Variants in SHC3 observed in about 807,000 individuals in gnomAD.
SHC3 encodes SHC adaptor protein 3.
Under a neutral mutation model 60.4 loss-of-function variants are expected in SHC3, and 15 were observed. The observed-to-expected ratio is 0.25, with a 90% CI of 0.17 to 0.38. The LOEUF is 0.38. Ranked by LOEUF, SHC3 falls within the 10% of genes least tolerant of loss-of-function variation. The pLI, the probability that SHC3 is intolerant of heterozygous loss-of-function variation, is 1.00. For synonymous variants in SHC3, 294 were observed against 325.9 expected (o/e 0.90, Z 1.05); for missense variants, 677 against 786.1 (o/e 0.86, Z 1.66).
At chr9:89,177,135 G>C (rs1826952303) in intron 1 of SHC3, among the ~76,000 whole-genome samples, 2 of 152,164 alleles carry the variant, frequency 1.3e-5, no homozygotes, top group Non-Finnish European at 2.9e-5. Context: ...CTGCCCAACC[G>C]GCAGAAGGAA....
intron 1 of SHC3, among the ~76,000 whole-genome samples, chr9:89,173,777 A>T (rs1826904501): frequency 3.9e-5 from 6 of 152,050 alleles, no homozygotes; most frequent in Admixed American, 3.9e-4. Context: ...TGCCTTTAAC[A>T]CATCTATGTT....
intron 11 of SHC3, chr9:89,037,444 A>G (rs1157001968): frequency 1.5e-6 from 1 of 686,486 alleles, no homozygotes; most frequent in Non-Finnish European, 2.7e-6. Flanking sequence ...TGACGGGAAG[A>G]TGAAAAATTC....
intron 7 of SHC3, among the ~76,000 whole-genome samples, chr9:89,047,814 A>G (rs1283426071): frequency 6.6e-6 from 1 of 152,230 alleles, no homozygotes; most frequent in East Asian, 1.9e-4. Flanking sequence ...TGGTGCAGCC[A>G]CTTTAGAAAA....
intron 1 of SHC3, among the ~76,000 whole-genome samples, chr9:89,134,196 T>C (rs1048357162): frequency 5.3e-5 from 8 of 152,138 alleles, no homozygotes; most frequent in African/African-American, 1.9e-4. Context: ...GAATATACTT[T>C]TGGTAAAAGA....
At chr9:89,124,818 A>G (rs1410095182) in intron 1 of SHC3, among the ~76,000 whole-genome samples, 1 of 152,080 alleles carries the variant, frequency 6.6e-6, no homozygotes, top group Non-Finnish European at 1.5e-5. Flanking sequence ...CAAAACCTGC[A>G]CATTCAGCAC....
At chr9:89,030,574 G>A (rs1270134267) in intron 11 of SHC3, among the ~76,000 whole-genome samples, 1 of 152,044 alleles carries the variant, frequency 6.6e-6, no homozygotes, top group Non-Finnish European at 1.5e-5. Context: ...AGATAAAGAG[G>A]GACATTTCAT....
intron 2 of SHC3, among the ~76,000 whole-genome samples, chr9:89,091,706 T>TG (rs1825623740): frequency 6.6e-6 from 1 of 152,206 alleles, no homozygotes; most frequent in Non-Finnish European, 1.5e-5. Flanking sequence ...TTTCTAGAAC[T>TG]TTTTCATCTT....
At chr9:89,177,097 C>T (rs1485272726) in intron 1 of SHC3, among the ~76,000 whole-genome samples, 2 of 152,170 alleles carry the variant, frequency 1.3e-5, no homozygotes, top group African/African-American at 4.8e-5. Flanking sequence ...CCTGTCTGCT[C>T]GGCTGTGGAG....
intron 1 of SHC3, among the ~76,000 whole-genome samples, chr9:89,166,962 G>A (rs1177384984): frequency 6.6e-6 from 1 of 152,222 alleles, no homozygotes; most frequent in Non-Finnish European, 1.5e-5. Flanking sequence ...GACTCTACCA[G>A]CTGAGCTACT....
At chr9:89,035,830 A>AATATATAT (rs1185604208) in intron 11 of SHC3, among the ~76,000 whole-genome samples, 10 of 106,450 alleles carry the variant, frequency 9.4e-5, no homozygotes, top group South Asian at 3.5e-4. Context: ...AAACAAACAA[A>AATATATAT]ATATATATAT....
chr9:89,092,810 G>A (rs1825645591), intron 2 of SHC3, among the ~76,000 whole-genome samples: 1 of 151,398 alleles, frequency 6.6e-6, no homozygotes, highest in African/African-American at 2.4e-5. Flanking sequence ...ATTAACACTG[G>A]TCATCTTTAT....
chr9:89,120,720 T>A (rs1055934829), intron 1 of SHC3, among the ~76,000 whole-genome samples: 5 of 152,202 alleles, frequency 3.3e-5, no homozygotes, highest in Admixed American at 3.3e-4. Context: ...AGATATTTGT[T>A]ACTTTCTTTC....
intron 1 of SHC3, among the ~76,000 whole-genome samples, chr9:89,143,607 C>T (rs1826427265): frequency 6.6e-6 from 1 of 152,086 alleles, no homozygotes; most frequent in Non-Finnish European, 1.5e-5. Flanking sequence ...CAGAAGCTTC[C>T]ACAGAATCTG....
At chr9:89,126,124 A>T (rs956973210) in intron 1 of SHC3, among the ~76,000 whole-genome samples, 1 of 152,130 alleles carries the variant, frequency 6.6e-6, no homozygotes, top group African/African-American at 2.4e-5. Context: ...AAGGAAAATC[A>T]TCTGCACACA....
chr9:89,012,572 G>T lies in SHC3; in HGVS notation c.*875C>A, dbSNP rs894217826. On this transcript the variant is annotated 3_prime_UTR_variant, in exon 12 of 12. Coordinates refer to ENST00000375835, the MANE Select transcript of SHC3 (RefSeq NM_016848.6). ...TACCATAAGCAGCCTGTAGTCAACC[G>T]CTGACTAGAGGGAGACACAAACCAG... The T allele has an allele frequency of 1.3e-5, 2 of 152,258 alleles. No homozygotes were observed. Among genetic ancestry groups the T allele is most frequent in the Non-Finnish European group, 2.9e-5 (2 of 68,030 alleles). 9.4% of individuals were successfully genotyped at this position (152,258 alleles called of 1,614,324 possible). A position where few individuals can be genotyped will look rare whatever the true frequency, so the allele number is the denominator to read the frequency against.
At chr9:89,043,655 T>A (rs1409032009) in intron 9 of SHC3, among the ~76,000 whole-genome samples, 1 of 149,946 alleles carries the variant, frequency 6.7e-6, no homozygotes, top group Non-Finnish European at 1.5e-5. Flanking sequence ...TTTATTTATT[T>A]TTTTTTTTTT....
At chr9:89,035,857 G>GATAGA (rs1564089001) in intron 11 of SHC3, among the ~76,000 whole-genome samples, 1 of 110,794 alleles carries the variant, frequency 9.0e-6, no homozygotes, top group Non-Finnish European at 1.8e-5. Flanking sequence ...ATAGATGTGT[G>GATAGA]TGTGTGTGTG....
intron 11 of SHC3, among the ~76,000 whole-genome samples, chr9:89,025,433 C>A (rs1260462553): frequency 1.3e-5 from 2 of 152,202 alleles, no homozygotes; most frequent in African/African-American, 2.4e-5. Flanking sequence ...CCATCCCAAA[C>A]CTGAAGGCTG....
intron 6 of SHC3, among the ~76,000 whole-genome samples, chr9:89,056,845 C>A (rs1489943404): frequency 6.6e-6 from 1 of 152,264 alleles, no homozygotes; most frequent in Non-Finnish European, 1.5e-5. Context: ...CCTCGGCAAG[C>A]TTTGTGTGAA....
Sources: gnomAD v4.1 joint callset for allele counts (sites outside exome capture counted in the v4.1 genomes callset) on GRCh38, gnomAD v4.1.1 for gene constraint, MANE v1.5 for transcripts, NCBI Gene and HGNC (gene_info 2026-07-23, HGNC 2026-07-21) for gene names.